The following ADAMTS2 variants were observed in gnomAD, a reference collection of about 807,000 sequenced individuals.
ADAMTS2 encodes A disintegrin and metalloproteinase with thrombospondin motifs 2.
Under a neutral mutation model 123.0 loss-of-function variants are expected in ADAMTS2, and 50 were observed. The observed-to-expected ratio is 0.41, with a 90% CI of 0.32 to 0.51. The LOEUF is 0.51. ADAMTS2 is among the 20% of genes least tolerant of loss of function. The pLI is 0.35. For missense variants in ADAMTS2, 1,494 were observed against 1,705.2 expected (o/e 0.88, Z 2.18); for synonymous variants, 678 against 695.4 (o/e 0.98, Z 0.39).
At chr5:179,156,835 T>C (rs1482186801) in intron 6 of ADAMTS2, among the ~76,000 whole-genome samples, 1 of 152,228 alleles carries the variant, frequency 6.6e-6, no homozygotes, top group Non-Finnish European at 1.5e-5. Context: ...TATTTTCTCT[T>C]AGAGCCAGTT....
chr5:179,144,145 G>T (rs1364257975), intron 10 of ADAMTS2, among the ~76,000 whole-genome samples: 1 of 151,986 alleles, frequency 6.6e-6, no homozygotes, highest in Non-Finnish European at 1.5e-5. Context: ...AGTAATAAAT[G>T]ATTTAAAAAT....
At chr5:179,291,152 G>T (rs892249127) in intron 2 of ADAMTS2, among the ~76,000 whole-genome samples, 13 of 152,316 alleles carry the variant, frequency 8.5e-5, no homozygotes, top group African/African-American at 3.1e-4. Flanking sequence ...TGACACGTGG[G>T]TTTTGAGGAT....
intron 4 of ADAMTS2, among the ~76,000 whole-genome samples, chr5:179,186,256 C>T (rs974395607): frequency 6.6e-6 from 1 of 152,326 alleles, no homozygotes; most frequent in African/African-American, 2.4e-5. Context: ...GCCCAGAGAC[C>T]ACTGACCACT....
intron 2 of ADAMTS2, among the ~76,000 whole-genome samples, chr5:179,302,916 G>A (rs1756570980): frequency 6.7e-6 from 1 of 148,252 alleles, no homozygotes; most frequent in Non-Finnish European, 1.5e-5. Context: ...GGAGTGTGGA[G>A]AGCAAAGGGT....
intron 2 of ADAMTS2, among the ~76,000 whole-genome samples, chr5:179,287,610 T>C (rs1030646779): frequency 5.9e-5 from 9 of 152,186 alleles, no homozygotes; most frequent in South Asian, 2.1e-4. Context: ...AGACGGGGTA[T>C]GCAATTCTAG....
chr5:179,153,258 A>G (rs1285613966), intron 9 of ADAMTS2, among the ~76,000 whole-genome samples: 1 of 151,894 alleles, frequency 6.6e-6, no homozygotes, highest in Non-Finnish European at 1.5e-5. Context: ...CCCTGGTCAC[A>G]GTCCTGTCCC....
intron 2 of ADAMTS2, among the ~76,000 whole-genome samples, chr5:179,338,865 G>T (rs548793380): frequency 6.6e-6 from 1 of 152,214 alleles, no homozygotes; most frequent in South Asian, 2.1e-4. Context: ...GTGGAGGGAA[G>T]CCGGGCCCTG....
At position 179,307,766 on chromosome 5, in the gene ADAMTS2, G is replaced by A. The variant is rs1362197957; in HGVS notation, c.535-34702C>T. 6.6e-6 allele frequency among the ~76,000 whole-genome samples: 1 copy of A among 152,164 alleles called. No individual in the cohort carries two copies. The highest frequency in any genetic ancestry group is 1.5e-5 in the Non-Finnish European group (1 of 68,030). ...CCTGCTGCTGCCTCCACCTGGAATG[G>A]CCTTCTTCCAGAAGTCCAGGTCCTA... On this transcript the variant is annotated intron_variant, in intron 2 of 21. Transcript: ENST00000251582. This position sits in a 1 kb window ranked among gnomAD's most constrained non-coding sequence, Gnocchi z 5.6.
chr5:179,153,469 G>A lies in ADAMTS2; in HGVS notation c.1515+22C>T, dbSNP rs202227372. 1.6e-4 allele frequency: 261 copies of A among 1,605,304 alleles called. 2 individuals carry two copies. The African/African-American group carries it at 2.1e-3, about 13-fold the overall frequency. On this transcript the variant is annotated intron_variant, in intron 9 of 21. Transcript: ENST00000251582. ...CTCCCCCCAGACCTGGGAGGGTCCC[G>A]GCTGCAGGGCTGCACACTCACCGCC...
At position 179,303,694 on chromosome 5, in the gene ADAMTS2, C is replaced by T. The variant is rs1756595502; in HGVS notation, c.535-30630G>A. Among the ~76,000 whole-genome samples, 1 of 152,210 alleles carries T rather than the reference C, an allele frequency of 6.6e-6. No homozygotes were observed. The highest frequency in any genetic ancestry group is 2.1e-4 in the South Asian group (1 of 4,826). Reference sequence around the variant, plus strand: ...TCTCACACGCCAGCTCATGGCAGCCCACAGGCACCTAAAACTCTAAGAGGG... The same window carrying T: ...TCTCACACGCCAGCTCATGGCAGCCTACAGGCACCTAAAACTCTAAGAGGG... On this transcript the variant is annotated intron_variant, in intron 2 of 21. Transcript: ENST00000251582. This position sits in a 1 kb window ranked among gnomAD's most constrained non-coding sequence, Gnocchi z 4.7.
rs1266413261 is a variant in ADAMTS2 at position 179,130,561 on chromosome 5, C to T, written c.2291-463G>A. ...ATATGTCTGGCTGAAACAGCAGAACCCCCACCCCATCAGGGACCATGGCCC... is the reference window on the plus strand; with the variant it reads ...ATATGTCTGGCTGAAACAGCAGAACTCCCACCCCATCAGGGACCATGGCCC... On this transcript the variant is annotated intron_variant, in intron 15 of 21. Coordinates refer to ENST00000251582, the MANE Select transcript of ADAMTS2 (RefSeq NM_014244.5). The surrounding 1 kb of genome is among the most constrained non-coding windows in gnomAD (Gnocchi z 4.3). 2.0e-5 allele frequency among the ~76,000 whole-genome samples: 3 copies of T among 152,170 alleles called. No individual in the cohort carries two copies. Among genetic ancestry groups the T allele is most frequent in the Non-Finnish European group, 4.4e-5 (3 of 68,020 alleles).
chr5:179,244,953 T>C (rs1490433855), intron 3 of ADAMTS2, among the ~76,000 whole-genome samples: 1 of 152,220 alleles, frequency 6.6e-6, no homozygotes, highest in African/African-American at 2.4e-5. Context: ...TATATAGCTG[T>C]GTGGTAGGCA....
rs756649326 is a variant in ADAMTS2, at chr5:179,312,132, G to T, written c.534+31635C>A. Among the ~76,000 whole-genome samples the T allele has an allele frequency of 2.0e-5, 3 of 152,170 alleles. No individual in the cohort carries two copies. Among genetic ancestry groups the T allele is most frequent in the Non-Finnish European group, 2.9e-5 (2 of 68,032 alleles). On this transcript the variant is annotated intron_variant, in intron 2 of 21. Transcript: ENST00000251582. The surrounding 1 kb of genome is among the most constrained non-coding windows in gnomAD (Gnocchi z 4.2). ...GCTGAAAAATGGCCCCCGAAGACAC[G>T]TCCGGGTCCCAATCCCTGGAACCCA... is the stretch of plus-strand genomic sequence containing the variant.
chr5:179,251,618 AAC>A (rs1765927895), intron 3 of ADAMTS2, among the ~76,000 whole-genome samples: 2 of 152,150 alleles, frequency 1.3e-5, no homozygotes, highest in Non-Finnish European at 2.9e-5. Flanking sequence ...CATTTTGGAA[AAC>A]AGTCTTGGTG....
rs542077056 is a variant in ADAMTS2 at position 179,155,639 on chromosome 5, G to A, written c.1133-720C>T. 3.9e-5 allele frequency among the ~76,000 whole-genome samples: 6 copies of A among 152,312 alleles called. No individual in the cohort carries two copies. The highest frequency in any genetic ancestry group is 1.4e-4 in the African/African-American group (6 of 41,572). On this transcript the variant is annotated intron_variant, in intron 6 of 21. Coordinates refer to ENST00000251582, the MANE Select transcript of ADAMTS2 (RefSeq NM_014244.5). This position sits in a 1 kb window ranked among gnomAD's most constrained non-coding sequence, Gnocchi z 5.1. Reference sequence around the variant, plus strand: ...GAAGTTCATGACGCAGAGACCCCACGTCAAACTGAGGAAGATGGATAATGA... The same window carrying A: ...GAAGTTCATGACGCAGAGACCCCACATCAAACTGAGGAAGATGGATAATGA...
Position 179,345,221 on chromosome 5 carries a change from G to T in ADAMTS2, c.108C>A (p.Asn36Lys), listed in dbSNP as rs1032883125. Residue 36 changes from asparagine (N) to lysine (K), a missense_variant, in exon 1 of 22, where the codon AAC (asparagine) becomes AAA (lysine). Asn to Lys is a moderately conservative substitution (Grantham distance 94). Coordinates refer to ENST00000251582, the MANE Select transcript of ADAMTS2 (RefSeq NM_014244.5). The surrounding 1 kb of genome is among the most constrained non-coding windows in gnomAD (Gnocchi z 7.5). Reference protein sequence around the residue: ...PLLPPPPPPANARLAAAADPP... With the variant: ...PLLPPPPPPAKARLAAAADPP... ...GGTCGGCGGCGGCGGCGAGCCTGGC[G>T]TTCGCGGGCGGCGGCGGCGGCGGCA... 1.2e-5 allele frequency: 14 copies of T among 1,123,546 alleles called. No homozygotes were observed. In the African/African-American group the frequency reaches 2.3e-4, roughly 19 times the overall value. The allele number at this position is 1,123,546 out of a possible 1,614,324, so 69.6% of individuals were successfully genotyped here. A position where few individuals can be genotyped will look rare whatever the true frequency, so the allele number is the denominator to read the frequency against.
At chr5:179,216,068 GAA>G (rs970740817) in intron 3 of ADAMTS2, among the ~76,000 whole-genome samples, 88 of 152,194 alleles carry the variant, frequency 5.8e-4, no homozygotes, top group African/African-American at 1.9e-3. Context: ...AGGCAACAAA[GAA>G]AGAGTAAGAC....
chr5:179,241,209 G>T (rs538254160), intron 3 of ADAMTS2, among the ~76,000 whole-genome samples: 53 of 152,290 alleles, frequency 3.5e-4, no homozygotes, highest in East Asian at 2.9e-3. Context: ...GCCTTGTTTC[G>T]GGTGGAGGAA....
chr5:179,114,137 G>T lies in ADAMTS2; in HGVS notation c.3366C>A (p.Thr1122=). 6.2e-7 allele frequency: 1 copy of T among 1,613,936 alleles called. No individual in the cohort carries two copies. The highest frequency in any genetic ancestry group is 1.3e-5 in the African/African-American group (1 of 75,002). ...KHNDIDVFMP[T]LPVPTVAMEV... Reference sequence around the variant, plus strand: ...CCATGGCTACAGTGGGCACTGGGAGGGTAGGCATGAACACGTCAATGTCGT... The same window carrying T: ...CCATGGCTACAGTGGGCACTGGGAGTGTAGGCATGAACACGTCAATGTCGT... The change falls in exon 22 of 22, where the codon ACC becomes ACA. Residue 1122 remains threonine (T), a synonymous_variant. Coordinates refer to ENST00000251582, the MANE Select transcript of ADAMTS2 (RefSeq NM_014244.5).
Sources: gnomAD v4.1 joint callset for allele counts (sites outside exome capture counted in the v4.1 genomes callset) on GRCh38, gnomAD v4.1.1 for gene constraint, Gnocchi (gnomAD v3.1) non-coding constraint, MANE v1.5 for transcripts, NCBI Gene and HGNC (gene_info 2026-07-23, HGNC 2026-07-21) for gene names.